The following VPS33A variants were observed in gnomAD, a reference collection of about 807,000 sequenced individuals.
VPS33A encodes the protein VPS33A core subunit of CORVET and HOPS complexes.
Under a neutral mutation model 71.8 loss-of-function variants are expected in VPS33A, and 32 were observed. That is an observed-to-expected ratio of 0.45 (90% CI 0.34 to 0.60). The LOEUF (loss-of-function observed/expected upper bound fraction) is 0.60. Among genes scored for constraint, VPS33A ranks in the 20% least tolerant of loss-of-function variants. VPS33A has a pLI of 0.02. For synonymous variants in VPS33A, 311 were observed against 292.7 expected, an observed-to-expected ratio of 1.06 and a Z score of -0.64; for missense variants, 625 against 748.5, an observed-to-expected ratio of 0.84 and a Z score of 1.92.
rs1282700079 is a variant in VPS33A at position 122,239,775 on chromosome 12, A to G, written c.1164+103T>C. 12 of 622,980 alleles carry G rather than the reference A, an allele frequency of 1.9e-5. No individual in the cohort carries two copies. The East Asian group carries it at 4.2e-4, about 22-fold the overall frequency. 38.6% of individuals were successfully genotyped at this position (622,980 alleles called of 1,614,324 possible). ...AAAAAAAAAAAAAAAAAAAAAAAAAAAAAAGGCAAGGCATGGGAATCAAAG... is the reference window on the plus strand; with the variant it reads ...AAAAAAAAAAAAAAAAAAAAAAAAAGAAAAGGCAAGGCATGGGAATCAAAG... On this transcript the variant is annotated intron_variant, in intron 9 of 12. Coordinates refer to ENST00000267199, the MANE Select transcript of VPS33A (RefSeq NM_022916.6).
intron 9 of VPS33A, among the ~76,000 whole-genome samples, chr12:122,239,250 C>T (rs946721684): frequency 6.6e-6 from 1 of 152,124 alleles, no homozygotes; most frequent in Non-Finnish European, 1.5e-5. Context: ...GTTAATAGAG[C>T]TATTTAAAGG....
intron 11 of VPS33A, among the ~76,000 whole-genome samples, chr12:122,234,652 C>T (rs952620697): frequency 3.9e-5 from 6 of 152,182 alleles, no homozygotes; most frequent in Admixed American, 6.6e-5. Context: ...ACTCTCCACC[C>T]TTCTCCGCAA....
chr12:122,232,889 C>G lies in VPS33A; in HGVS notation c.1520G>C (p.Gly507Ala). 2.5e-6 allele frequency: 4 copies of G among 1,614,046 alleles called. No individual in the cohort carries two copies. The highest frequency in any genetic ancestry group is 3.4e-6 in the Non-Finnish European group (4 of 1,180,016). The change falls in exon 12 of 13, where the codon GGC (glycine) becomes GCC (alanine). Residue 507 changes from glycine (G) to alanine (A), a missense_variant. Transcript: ENST00000267199. ...GAGGACCTCCTCGATGCTCCGCCAGCCAGGCCGGGAAAGCAGCTGGGCCAG... is the reference window on the plus strand; with the variant it reads ...GAGGACCTCCTCGATGCTCCGCCAGGCAGGCCGGGAAAGCAGCTGGGCCAG... Reference protein sequence around the residue: ...VRLAQLLSRPGWRSIEEVLRI... With the variant: ...VRLAQLLSRPAWRSIEEVLRI...
intron 6 of VPS33A, 102 bp from the exon 7 acceptor site, chr12:122,244,864 A>G: frequency 8.3e-7 from 1 of 1,198,186 alleles, no homozygotes. Flanking sequence ...GAGAAAATGG[A>G]AGACGGCAAA....
rs183358277 is a variant in VPS33A, at chr12:122,233,710, C to G, written c.1441-742G>C. The stretch of plus-strand genomic sequence containing the variant: ...TGCATGTAACAGTAAAGACTGGAAA[C>G]AACCTGAATTTCTATCAATAGCAAT... On this transcript the variant is annotated intron_variant, in intron 11 of 12. Transcript: ENST00000267199. Among the ~76,000 whole-genome samples, 33 of 152,298 alleles carry G rather than the reference C, an allele frequency of 2.2e-4. No individual in the cohort carries two copies. In the East Asian group the frequency reaches 5.6e-3, roughly 26 times the overall value.
intron 3 of VPS33A, among the ~76,000 whole-genome samples, chr12:122,261,687 G>A (rs1290928136): frequency 1.3e-5 from 2 of 151,944 alleles, no homozygotes; most frequent in Non-Finnish European, 2.9e-5. Flanking sequence ...TGGTCAAGGT[G>A]GCAAAACCCC....
rs773979112 is a variant in VPS33A at position 122,239,957 on chromosome 12, T to A, written c.1097-12A>T. On this transcript the variant is annotated splice_polypyrimidine_tract_variant and intron_variant, in intron 8 of 12. Transcript: ENST00000267199. The stretch of plus-strand genomic sequence containing the variant: ...AAAGTCTTCAGAAGCTAAAATGAAA[T>A]TAGCAAATTTGCAACTTAGAAATTA... 6.2e-7 allele frequency: 1 copy of A among 1,604,050 alleles called. No individual in the cohort carries two copies. The highest frequency in any genetic ancestry group is 1.1e-5 in the South Asian group (1 of 90,762).
chr12:122,250,083 G>T, intron 5 of VPS33A, 38 bp from the exon 6 acceptor site: 1 of 1,527,512 alleles, frequency 6.5e-7, no homozygotes. Flanking sequence ...GGCCCCCCTG[G>T]GAACAAGCAG....
intron 10 of VPS33A, among the ~76,000 whole-genome samples, chr12:122,237,669 G>A (rs924411233): frequency 3.0e-5 from 4 of 132,338 alleles, no homozygotes; most frequent in Admixed American, 7.5e-5. Flanking sequence ...TCAGCCTCCC[G>A]AGTAGCTGGG....
chr12:122,248,857 A>T (rs2136136751), intron 6 of VPS33A: 1 of 152,318 alleles, frequency 6.6e-6, no homozygotes, highest in East Asian at 1.9e-4. Flanking sequence ...CTCACAGGGG[A>T]CAAGGACCGG....
chr12:122,245,983 C>G (rs551363581), intron 6 of VPS33A, among the ~76,000 whole-genome samples: 1 of 152,278 alleles, frequency 6.6e-6, no homozygotes, highest in East Asian at 1.9e-4. Context: ...ACTTCCTCTG[C>G]GAAGTAGCCT....
At chr12:122,266,217 A>T in intron 1 of VPS33A, 90 bp downstream of exon 1, 1 of 1,541,760 alleles carries the variant, frequency 6.5e-7, no homozygotes, top group Non-Finnish European at 8.7e-7. Context: ...CAAGGACCTC[A>T]TAAACCGCGA....
chr12:122,242,564 T>C lies in VPS33A; in HGVS notation c.970-56A>G. The C allele has an allele frequency of 3.9e-6, 6 of 1,540,536 alleles. No homozygotes were observed. The South Asian group carries it at 6.0e-5, about 16-fold the overall frequency. On this transcript the variant is annotated intron_variant, in intron 7 of 12. Transcript: ENST00000267199. The stretch of plus-strand genomic sequence containing the variant: ...CAGGGAAGATAGTTTATTTATTTTA[T>C]TTTTTTGAGAAGGACTCTCGCTTTG...
Position 122,266,336 on chromosome 12 carries a change from C to G in VPS33A, c.73G>C (p.Glu25Gln). Reference sequence around the variant, plus strand: ...CTTCCTGCGCACTTGTCCAGGAACTCGCGCAGCTCGCGACGCACCGCCTCG... The same window carrying G: ...CTTCCTGCGCACTTGTCCAGGAACTGGCGCAGCTCGCGACGCACCGCCTCG... The part of the protein sequence containing the change: ...LREAVRRELR[E>Q]FLDKCAGSKA... Residue 25 changes from glutamate (E) to glutamine (Q), a missense_variant, in exon 1 of 13, where the codon GAG (glutamate) becomes CAG (glutamine). Physicochemically the swap from Glu to Gln is conservative, Grantham distance 29 (BLOSUM62 2). Coordinates refer to ENST00000267199, the MANE Select transcript of VPS33A (RefSeq NM_022916.6). 6.2e-7 allele frequency: 1 copy of G among 1,613,194 alleles called. No individual in the cohort carries two copies. The highest frequency in any genetic ancestry group is 1.1e-5 in the South Asian group (1 of 91,080).
rs146100866 is a variant in VPS33A, at chr12:122,266,132, G to GC, written c.102+174dup. On this transcript the variant is annotated intron_variant, in intron 1 of 12. Coordinates refer to ENST00000267199, the MANE Select transcript of VPS33A (RefSeq NM_022916.6). The stretch of plus-strand genomic sequence containing the variant: ...TCCGGCTCCAGGCTGTACGCCCAGG[G>GC]CCCCCCCCTTCATCGCTGCCTCCTG... Among the ~76,000 whole-genome samples the GC allele has an allele frequency of 0.091, 13,874 of 151,924 alleles. 787 individuals carry two copies. Among genetic ancestry groups the GC allele is most frequent in the African/African-American group, 0.16 (6,675 of 41,378 alleles).
chr12:122,252,102 T>C (rs1013946742), intron 4 of VPS33A, among the ~76,000 whole-genome samples: 2 of 150,194 alleles, frequency 1.3e-5, no homozygotes, highest in Non-Finnish European at 2.9e-5. Context: ...TATAAAAAAT[T>C]AAATAATTAG....
chr12:122,241,447 G>C (rs980243945), intron 8 of VPS33A, among the ~76,000 whole-genome samples: 5 of 151,976 alleles, frequency 3.3e-5, no homozygotes, highest in Admixed American at 1.3e-4. Flanking sequence ...TGGGATTACA[G>C]GTGCCCGCCA....
At chr12:122,244,447 T>G in intron 7 of VPS33A, 122 bp downstream of exon 7, 251 of 805,004 alleles carry the variant, frequency 3.1e-4, no homozygotes, top group Non-Finnish European at 4.3e-4. Flanking sequence ...TTACTGAAGA[T>G]GAGAAAAGTT....
chr12:122,238,748 T>C (rs1443862730), intron 9 of VPS33A, 24 bp from the exon 10 acceptor site: 3 of 1,599,256 alleles, frequency 1.9e-6, no homozygotes, highest in Non-Finnish European at 2.6e-6. Context: ...AGCATACATA[T>C]ACATATACAT....
Sources: allele counts gnomAD v4.1 joint callset (sites outside exome capture counted in the v4.1 genomes callset), GRCh38; gene constraint gnomAD v4.1.1; transcripts MANE v1.5; gene names NCBI Gene and HGNC (gene_info 2026-07-23, HGNC 2026-07-21).